Variants in PAK1 observed in about 807,000 individuals in gnomAD.
PAK1 encodes p21 (RAC1) activated kinase 1.
A neutral mutation model predicts 67.4 loss-of-function variants in PAK1; 29 were observed. The observed-to-expected ratio is 0.43, with a 90% CI of 0.32 to 0.59. The LOEUF is 0.59. PAK1 is among the 20% of genes least tolerant of loss of function. The probability of loss-of-function intolerance (pLI) is 0.07; values close to 1 mark genes in which losing one functional copy is unlikely to be tolerated. For missense variants in PAK1, 337 were observed against 670.7 expected (o/e 0.50, Z 5.50); for synonymous variants, 223 against 237.4 (o/e 0.94, Z 0.56).
At chr11:77,347,460 A>AAAG (rs1944605770) in intron 9 of PAK1, among the ~76,000 whole-genome samples, 1 of 152,236 alleles carries the variant, frequency 6.6e-6, no homozygotes, top group Admixed American at 6.5e-5. Flanking sequence ...CCTCAGCAGT[A>AAAG]AAGAAGAAAT....
At chr11:77,519,902 C>T in the PAK1 span, among the ~76,000 whole-genome samples, 1 of 152,342 alleles carries the variant, frequency 6.6e-6, no homozygotes, top group African/African-American at 2.4e-5. Context: ...AAAGACTCAA[C>T]AAAGCAAGAT....
At chr11:77,508,659 CT>C in the PAK1 span, among the ~76,000 whole-genome samples, 37,053 of 114,222 alleles carry the variant, frequency 0.32, 4,673 homozygotes, top group Non-Finnish European at 0.38. Flanking sequence ...CATAGAGATT[CT>C]TTTTTTTTTT....
chr11:77,506,859 T>C, the PAK1 span, among the ~76,000 whole-genome samples: 1 of 151,848 alleles, frequency 6.6e-6, no homozygotes, highest in African/African-American at 2.4e-5. Context: ...AAACTTAGGG[T>C]TGGGGAGAAG....
Position 77,380,811 on chromosome 11 carries a change from T to A in PAK1, c.191-817A>T, listed in dbSNP as rs57595062. 9.2e-3 allele frequency among the ~76,000 whole-genome samples: 1,402 copies of A among 151,980 alleles called. 33 individuals are homozygous for A. Among genetic ancestry groups the A allele is most frequent in the African/African-American group, 0.032 (1,324 of 41,426 alleles). ...ACAAAGTAGGTGCTCAGACAGTAAG[T>A]GAAGAAAGGAAAAAATGACCAGACA... On this transcript the variant is annotated intron_variant, in intron 2 of 14. Coordinates refer to ENST00000356341, the MANE Select transcript of PAK1 (RefSeq NM_002576.5).
the PAK1 span, among the ~76,000 whole-genome samples, chr11:77,503,395 A>G: frequency 6.6e-6 from 1 of 152,362 alleles, no homozygotes; most frequent in South Asian, 2.1e-4. Context: ...TGCTGAGGCC[A>G]ATTGCCCTGG....
intron 1 of PAK1, among the ~76,000 whole-genome samples, chr11:77,415,874 T>C (rs1479070960): frequency 6.6e-6 from 1 of 152,060 alleles, no homozygotes; most frequent in Non-Finnish European, 1.5e-5. Context: ...TAAAAACATT[T>C]TGACTCTATT....
the PAK1 span, among the ~76,000 whole-genome samples, chr11:77,525,652 A>G: frequency 6.6e-6 from 1 of 152,200 alleles, no homozygotes; most frequent in Non-Finnish European, 1.5e-5. Context: ...TAGTGAGATG[A>G]TGGGAGGGCT....
upstream of PAK1, chr11:77,474,581 C>T (rs954233775): frequency 6.6e-6 from 1 of 152,164 alleles, no homozygotes; most frequent in African/African-American, 2.4e-5. Flanking sequence ...AAAGCACCAC[C>T]GCATCTATGA....
intron 8 of PAK1, among the ~76,000 whole-genome samples, chr11:77,350,673 G>A (rs1945116956): frequency 6.6e-6 from 1 of 152,144 alleles, no homozygotes; most frequent in Non-Finnish European, 1.5e-5. Flanking sequence ...AATCCAGGGG[G>A]AAAAGTCATG....
chr11:77,502,438 T>C, the PAK1 span, among the ~76,000 whole-genome samples: 1 of 152,236 alleles, frequency 6.6e-6, no homozygotes, highest in Non-Finnish European at 1.5e-5. Flanking sequence ...TGAATAATGA[T>C]AGACACATAA....
the PAK1 span, among the ~76,000 whole-genome samples, chr11:77,522,515 A>C: frequency 6.6e-6 from 1 of 152,206 alleles, no homozygotes; most frequent in Non-Finnish European, 1.5e-5. Context: ...TCAAAACCAC[A>C]ATGAGATACC....
intron 2 of PAK1, among the ~76,000 whole-genome samples, chr11:77,390,865 A>G (rs1165248803): frequency 6.6e-6 from 1 of 152,128 alleles, no homozygotes; most frequent in East Asian, 1.9e-4. Context: ...GGACTCATAC[A>G]CATAACGATA....
At position 77,340,638 on chromosome 11, in the gene PAK1, G is replaced by C. The variant is rs2725832; in HGVS notation, c.1116+8C>G. Reference sequence around the variant, plus strand: ...TTCTACCCAAGACTGCTTGGCCCTTGGCCTTACCTCACGGCACACAGCTGC... The same window carrying C: ...TTCTACCCAAGACTGCTTGGCCCTTCGCCTTACCTCACGGCACACAGCTGC... On this transcript the variant is annotated splice_region_variant and intron_variant, in intron 11 of 14. Coordinates refer to ENST00000356341, the MANE Select transcript of PAK1 (RefSeq NM_002576.5). 459,859 of 1,442,560 alleles carry C rather than the reference G, an allele frequency of 0.32. 78,620 individuals carry two copies. The highest frequency in any genetic ancestry group is 0.45 in the South Asian group (39,026 of 87,556). The allele number at this position is 1,442,560 out of a possible 1,614,324, so 89.4% of individuals were successfully genotyped here. A position where few individuals can be genotyped will look rare whatever the true frequency, so the allele number is the denominator to read the frequency against.
At chr11:77,467,865 C>T (rs527489021) in intron 1 of PAK1, among the ~76,000 whole-genome samples, 6 of 152,318 alleles carry the variant, frequency 3.9e-5, no homozygotes, top group Middle Eastern at 3.4e-3. Context: ...AAATTTTGTG[C>T]TCTTCCTTAA....
chr11:77,368,710 G>A (rs1426771563), intron 5 of PAK1, among the ~76,000 whole-genome samples: 1 of 152,094 alleles, frequency 6.6e-6, no homozygotes, highest in African/African-American at 2.4e-5. Flanking sequence ...AGGCTGGAGT[G>A]CAGTGGCATG....
chr11:77,349,809 G>A (rs1944981780), intron 8 of PAK1, among the ~76,000 whole-genome samples: 1 of 151,864 alleles, frequency 6.6e-6, no homozygotes, highest in Non-Finnish European at 1.5e-5. Context: ...CAACTGGGGG[G>A]GTGACAGGTG....
chr11:77,493,685 G>A, the PAK1 span, among the ~76,000 whole-genome samples: 17 of 151,966 alleles, frequency 1.1e-4, 1 homozygote, highest in Admixed American at 5.9e-4. Flanking sequence ...TTACTGAACC[G>A]AGAGTGCGTC....
chr11:77,440,752 G>A (rs911741223), intron 1 of PAK1, among the ~76,000 whole-genome samples: 6 of 152,050 alleles, frequency 3.9e-5, no homozygotes, highest in African/African-American at 1.4e-4. Context: ...ATACAGCAAG[G>A]GAAATAACAA....
chr11:77,486,064 AT>A, the PAK1 span, among the ~76,000 whole-genome samples: 1 of 152,118 alleles, frequency 6.6e-6, no homozygotes, highest in Non-Finnish European at 1.5e-5. Flanking sequence ...ATCCTCTTCC[AT>A]TTACCATAGC....
Sources: gnomAD v4.1 joint callset for allele counts (sites outside exome capture counted in the v4.1 genomes callset) on GRCh38, gnomAD v4.1.1 for gene constraint, MANE v1.5 for transcripts, NCBI Gene and HGNC (gene_info 2026-07-23, HGNC 2026-07-21) for gene names.